Variants in PPP1R26 observed in about 807,000 individuals in gnomAD.
PPP1R26 encodes the protein 1A6/DRIM (down-regulated in metastasis) interacting protein.
PPP1R26 carries 22 observed loss-of-function variants against 67.6 expected under a neutral mutation model. That is an observed-to-expected ratio of 0.33 (90% CI 0.23 to 0.46). PPP1R26 has a LOEUF of 0.46. Among genes scored for constraint, PPP1R26 ranks in the 20% least tolerant of loss-of-function variants. PPP1R26 has a pLI of 1.00. For missense variants in PPP1R26, 1,602 were observed against 1,651.4 expected (o/e 0.97, Z 0.52); for synonymous variants, 729 against 717.2 (o/e 1.02, Z -0.26).
At position 135,486,803 on chromosome 9, in the gene PPP1R26, C is replaced by T; in HGVS notation, c.2293C>T (p.Pro765Ser). The T allele has an allele frequency of 6.2e-7, 1 of 1,603,134 alleles. No homozygotes were observed. Among genetic ancestry groups the T allele is most frequent in the South Asian group, 1.1e-5 (1 of 90,208 alleles). Residue 765 changes from proline (P) to serine (S), a missense_variant, in exon 4 of 4, where the codon CCT becomes TCT. Coordinates refer to ENST00000356818, the MANE Select transcript of PPP1R26 (RefSeq NM_014811.5). This position sits in a 1 kb window ranked among gnomAD's most constrained non-coding sequence, Gnocchi z 6.2. The stretch of plus-strand genomic sequence containing the variant: ...GTCCAAGAGAGACAGTGGCGAGGGT[C>T]CTGGGAAGAAACCCCCCAGTGTCTT... ...SKSKRDSGEGPGKKPPSVFGS... is the reference protein window; with the variant it reads ...SKSKRDSGEGSGKKPPSVFGS...
chr9:135,486,230 C>CTCA lies in PPP1R26; in HGVS notation c.1720_1721insTCA (p.Gln574delinsLeuLys), dbSNP rs747407346. On this transcript the variant is annotated protein_altering_variant, in exon 4 of 4. Transcript: ENST00000356818. This position sits in a 1 kb window ranked among gnomAD's most constrained non-coding sequence, Gnocchi z 6.2. Reference sequence around the variant, plus strand: ...ACTTTTGCCGCCTGGCCTCAACAGCCAGACCGGCGGCCACAAGACCCCTCT... The same window carrying CTCA: ...ACTTTTGCCGCCTGGCCTCAACAGCCTCAAGACCGGCGGCCACAAGACCCCTCT... 23 of 1,612,890 alleles carry CTCA rather than the reference C, an allele frequency of 1.4e-5. No individual in the cohort carries two copies. The highest frequency in any genetic ancestry group is 3.3e-4 in the Middle Eastern group (2 of 6,084).
rs1830855944 is a variant in PPP1R26, at chr9:135,488,671, G to A, written c.*531G>A. On this transcript the variant is annotated 3_prime_UTR_variant, in exon 4 of 4. Transcript: ENST00000356818. ...CTCGGCCCCACGTCCTTAGAGGCCA[G>A]AGCACATCTGAAAACTGCAATCACA... The A allele has an allele frequency of 6.0e-6, 1 of 167,092 alleles. No individual in the cohort carries two copies. The highest frequency in any genetic ancestry group is 6.5e-5 in the Admixed American group (1 of 15,282). 10.4% of individuals were successfully genotyped at this position (167,092 alleles called of 1,614,324 possible).
chr9:135,484,198 C>G (rs1021830068), intron 3 of PPP1R26, 116 bp downstream of exon 3: 1 of 473,352 alleles, frequency 2.1e-6, no homozygotes, highest in African/African-American at 2.0e-5. Context: ...TGGTTGGAAA[C>G]ATTTTCTTAC....
In PPP1R26 at chr9:135,486,984, C is replaced by T. The variant is rs368035123; in HGVS notation, c.2474C>T (p.Ser825Phe). The T allele has an allele frequency of 2.5e-6, 4 of 1,612,646 alleles. No individual in the cohort carries two copies. Among genetic ancestry groups the T allele is most frequent in the Non-Finnish European group, 3.4e-6 (4 of 1,179,992 alleles). The change falls in exon 4 of 4, where the codon TCT (serine) becomes TTT (phenylalanine). Residue 825 changes from serine (S) to phenylalanine (F), a missense_variant. Physicochemically the swap from Ser to Phe is radical, Grantham distance 155 (BLOSUM62 -2). Around this residue, in one of 5 missense-constraint regions of PPP1R26, gnomAD observed 740 missense variants for 696.3 expected, o/e 1.06. Transcript: ENST00000356818. The surrounding 1 kb of genome is among the most constrained non-coding windows in gnomAD (Gnocchi z 6.2). ...CCAGCTCCCAGCCCCGGCTCCCTGT[C>T]TGATGACAGCAGTTCAGTGGACAGC... ...QGPAPSPGSL[S>F]DDSSSVDSND...
Position 135,484,667 on chromosome 9 carries a change from A to C in PPP1R26, c.157A>C (p.Thr53Pro). The C allele has an allele frequency of 6.2e-7, 1 of 1,610,542 alleles. No individual in the cohort carries two copies. Among genetic ancestry groups the C allele is most frequent in the Non-Finnish European group, 8.5e-7 (1 of 1,179,786 alleles). ...CGCCCGGGTGCAGATGCTTATCAGC[A>C]CTCTGCAGCGCGACGGGGCTGCTCG... ...VSARVQMLIS[T>P]LQRDGAARGT... Residue 53 changes from threonine (T) to proline (P), a missense_variant, in exon 4 of 4, where the codon ACT (threonine) becomes CCT (proline). Thr to Pro is a conservative substitution (Grantham distance 38, BLOSUM62 -1). Around this residue, in one of 5 missense-constraint regions of PPP1R26, gnomAD observed 168 missense variants for 176.1 expected, o/e 0.95. Transcript: ENST00000356818.
At position 135,487,177 on chromosome 9, in the gene PPP1R26, C is replaced by T; in HGVS notation, c.2667C>T (p.Cys889=). ...AGCCTGCCCCACCGCCTGGCGTGTGCACACGCAGCCAGAGGGCCAGGGGGG... is the reference window on the plus strand; with the variant it reads ...AGCCTGCCCCACCGCCTGGCGTGTGTACACGCAGCCAGAGGGCCAGGGGGG... The part of the protein sequence containing the change: ...RKEPAPPPGV[C]TRSQRARGVP... The change falls in exon 4 of 4, where the codon TGC becomes TGT. Residue 889 remains cysteine, a synonymous_variant. Transcript: ENST00000356818. The T allele has an allele frequency of 6.2e-7, 1 of 1,607,906 alleles. No homozygotes were observed. The highest frequency in any genetic ancestry group is 8.5e-7 in the Non-Finnish European group (1 of 1,178,192).
chr9:135,480,163 G>T, intron 1 of PPP1R26, 141 bp downstream of exon 1: 1 of 150,918 alleles, frequency 6.6e-6, no homozygotes, highest in South Asian at 1.9e-4. Context: ...GAGGCAGGCG[G>T]ACGGGGATCG....
rs199833862 is a variant in PPP1R26 at position 135,487,593 on chromosome 9, G to A, written c.3083G>A (p.Ser1028Asn). 5,407 of 1,504,370 alleles carry A rather than the reference G, an allele frequency of 3.6e-3. 14 individuals carry two copies. Among genetic ancestry groups the A allele is most frequent in the Non-Finnish European group, 4.6e-3 (5,156 of 1,126,008 alleles). The allele number at this position is 1,504,370 out of a possible 1,614,324, so 93.2% of individuals were successfully genotyped here. ...GAQADRTPPW[S>N]DFAHQSRLPS... The stretch of plus-strand genomic sequence containing the variant: ...CAGGCCGACCGCACACCGCCCTGGA[G>A]CGACTTCGCCCACCAGAGTCGGCTG... The change falls in exon 4 of 4, where the codon AGC (serine) becomes AAC (asparagine). Residue 1028 changes from serine to asparagine, a missense_variant. Ser to Asn is a conservative substitution (Grantham distance 46). Transcript: ENST00000356818.
rs61731943 is a variant in PPP1R26, at chr9:135,484,687, T to C, written c.177T>C (p.Ala59=). The C allele has an allele frequency of 0.027, 42,914 of 1,610,178 alleles. 691 individuals are homozygous for C. Among genetic ancestry groups the C allele is most frequent in the Non-Finnish European group, 0.032 (37,752 of 1,179,500 alleles). Residue 59 remains alanine, a synonymous_variant, in exon 4 of 4, where the codon GCT becomes GCC. Coordinates refer to ENST00000356818, the MANE Select transcript of PPP1R26 (RefSeq NM_014811.5). ...MLISTLQRDG[A]ARGTSDERAA... is the part of the protein sequence containing the mutation. Reference sequence around the variant, plus strand: ...TCAGCACTCTGCAGCGCGACGGGGCTGCTCGGGGCACCAGCGATGAGCGCG... The same window carrying C: ...TCAGCACTCTGCAGCGCGACGGGGCCGCTCGGGGCACCAGCGATGAGCGCG...
At position 135,484,633 on chromosome 9, in the gene PPP1R26, G is replaced by C; in HGVS notation, c.123G>C (p.Ala41=). The C allele has an allele frequency of 6.2e-7, 1 of 1,611,678 alleles. No individual in the cohort carries two copies. The change falls in exon 4 of 4, where the codon GCG becomes GCC. Residue 41 remains alanine (A), a synonymous_variant. Transcript: ENST00000356818. ...AGGCTGACGAGGGCGTGGAGAGCGC[G>C]TCGGTGAGCGCCCGGGTGCAGATGC... The part of the protein sequence containing the change: ...FSEADEGVES[A]SVSARVQMLI...
chr9:135,480,886 G>A (rs979603797), intron 1 of PPP1R26: 2 of 152,522 alleles, frequency 1.3e-5, no homozygotes, highest in African/African-American at 4.8e-5. Flanking sequence ...TCCCTACCCT[G>A]GGGGGAAACC....
chr9:135,484,657 G>A lies in PPP1R26; in HGVS notation c.147G>A (p.Met49Ile). 6.2e-7 allele frequency: 1 copy of A among 1,611,206 alleles called. No individual in the cohort carries two copies. The highest frequency in any genetic ancestry group is 8.5e-7 in the Non-Finnish European group (1 of 1,179,960). The change falls in exon 4 of 4, where the codon ATG becomes ATA. Residue 49 changes from methionine to isoleucine, a missense_variant. Transcript: ENST00000356818. Reference sequence around the variant, plus strand: ...CGTCGGTGAGCGCCCGGGTGCAGATGCTTATCAGCACTCTGCAGCGCGACG... The same window carrying A: ...CGTCGGTGAGCGCCCGGGTGCAGATACTTATCAGCACTCTGCAGCGCGACG... The part of the protein sequence containing the change: ...ESASVSARVQ[M>I]LISTLQRDGA...
rs1056419221 is a variant in PPP1R26 at position 135,488,837 on chromosome 9, A to C, written c.*697A>C. 1 of 166,958 alleles carries C rather than the reference A, an allele frequency of 6.0e-6. No individual in the cohort carries two copies. Among genetic ancestry groups the C allele is most frequent in the Non-Finnish European group, 1.5e-5 (1 of 68,122 alleles). The allele number at this position is 166,958 out of a possible 1,614,324, so 10.3% of individuals were successfully genotyped here. ...CCTGGGCCTGGGTGGGTTCATGTCC[A>C]ATCTTGTTCGATCACTAGATGATTC... is the stretch of plus-strand genomic sequence containing the variant. On this transcript the variant is annotated 3_prime_UTR_variant, in exon 4 of 4. Transcript: ENST00000356818.
chr9:135,487,162 A>G lies in PPP1R26; in HGVS notation c.2652A>G (p.Pro884=), dbSNP rs1387624719. ...TGCTGTGCAGGAAGGAGCCTGCCCC[A>G]CCGCCTGGCGTGTGCACACGCAGCC... is the stretch of plus-strand genomic sequence containing the variant. ...PEVLCRKEPA[P]PPGVCTRSQR... The change falls in exon 4 of 4, where the codon CCA becomes CCG. Residue 884 remains proline, a synonymous_variant. Transcript: ENST00000356818. 2 of 1,609,968 alleles carry G rather than the reference A, an allele frequency of 1.2e-6. No homozygotes were observed. Among genetic ancestry groups the G allele is most frequent in the Admixed American group, 3.3e-5 (2 of 59,830 alleles).
In PPP1R26 at chr9:135,485,404, G is replaced by A; in HGVS notation, c.894G>A (p.Met298Ile). The A allele has an allele frequency of 1.2e-6, 2 of 1,612,940 alleles. No homozygotes were observed. The highest frequency in any genetic ancestry group is 1.7e-6 in the Non-Finnish European group (2 of 1,179,972). ...GCAAACCTCCCCGGTTAGCGAAGAT[G>A]AACGTCCAGCCCAGAAGCCTCAGGT... ...AFRKPPRLAKMNVQPRSLRSK... is the reference protein window; with the variant it reads ...AFRKPPRLAKINVQPRSLRSK... Residue 298 changes from methionine to isoleucine, a missense_variant, in exon 4 of 4, where the codon ATG (methionine) becomes ATA (isoleucine). Met to Ile is a conservative substitution (Grantham distance 10, BLOSUM62 1). Transcript: ENST00000356818. The surrounding 1 kb of genome is among the most constrained non-coding windows in gnomAD (Gnocchi z 7.2).
intron 2 of PPP1R26, among the ~76,000 whole-genome samples, 168 bp downstream of exon 2, chr9:135,482,983 C>CTTTTTTTTTTTTTTTTT (rs1360229729): frequency 1.6e-5 from 2 of 125,778 alleles, no homozygotes; most frequent in African/African-American, 3.0e-5. Context: ...CTTTTTCTTT[C>CTTTTTTTTTTTTTTTTT]TTTCTTTTTT....
In PPP1R26 at chr9:135,485,156, G is replaced by A; in HGVS notation, c.646G>A (p.Val216Met). Residue 216 changes from valine to methionine, a missense_variant, in exon 4 of 4, where the codon GTG (valine) becomes ATG (methionine). Val to Met is a conservative substitution (Grantham distance 21). Around this residue, in one of 5 missense-constraint regions of PPP1R26, gnomAD observed 680 missense variants for 726.1 expected, o/e 0.94. Coordinates refer to ENST00000356818, the MANE Select transcript of PPP1R26 (RefSeq NM_014811.5). The surrounding 1 kb of genome is among the most constrained non-coding windows in gnomAD (Gnocchi z 7.2). Reference protein sequence around the residue: ...KDQGSASPVSVSSDDSFEQSI... With the variant: ...KDQGSASPVSMSSDDSFEQSI... The stretch of plus-strand genomic sequence containing the variant: ...CCAGGGCTCCGCCTCCCCGGTCAGT[G>A]TGAGCAGCGATGACTCCTTCGAGCA... 1 of 1,612,930 alleles carries A rather than the reference G, an allele frequency of 6.2e-7. No homozygotes were observed. The highest frequency in any genetic ancestry group is 1.1e-5 in the South Asian group (1 of 91,072).
Position 135,486,787 on chromosome 9 carries a change from A to T in PPP1R26, c.2277A>T (p.Arg759Ser). 1 of 1,593,900 alleles carries T rather than the reference A, an allele frequency of 6.3e-7. No individual in the cohort carries two copies. Among genetic ancestry groups the T allele is most frequent in the Non-Finnish European group, 8.5e-7 (1 of 1,170,858 alleles). Residue 759 changes from arginine to serine, a missense_variant, in exon 4 of 4, where the codon AGA becomes AGT. Physicochemically the swap from Arg to Ser is moderately radical, Grantham distance 110. Around this residue, in one of 5 missense-constraint regions of PPP1R26, gnomAD observed 740 missense variants for 696.3 expected, o/e 1.06. Coordinates refer to ENST00000356818, the MANE Select transcript of PPP1R26 (RefSeq NM_014811.5). The surrounding 1 kb of genome is among the most constrained non-coding windows in gnomAD (Gnocchi z 6.2). The stretch of plus-strand genomic sequence containing the variant: ...AGAGCTGCCTCTCCAAGTCCAAGAG[A>T]GACAGTGGCGAGGGTCCTGGGAAGA... ...VLKSCLSKSK[R>S]DSGEGPGKKP...
chr9:135,484,338 ACT>A (rs1564204000), intron 3 of PPP1R26, 109 bp from the exon 4 acceptor site: 3 of 653,574 alleles, frequency 4.6e-6, no homozygotes, highest in Admixed American at 3.2e-5. Context: ...GCTCCACCCA[ACT>A]CTCTCCACTC....
Sources: gnomAD v4.1 joint callset for allele counts (sites outside exome capture counted in the v4.1 genomes callset) on GRCh38, gnomAD v4.1.1 for gene constraint, gnomAD v4.1.1 regional missense constraint, Gnocchi (gnomAD v3.1) non-coding constraint, MANE v1.5 for transcripts, NCBI Gene and HGNC (gene_info 2026-07-23, HGNC 2026-07-21) for gene names.